HTR1E: variants seen among roughly 807,000 people sequenced by gnomAD.
The protein encoded by HTR1E is 5-hydroxytryptamine receptor 1E, also known as 5-HT-1E.
HTR1E carries 3 observed loss-of-function variants against 3.4 expected under a neutral mutation model. The observed-to-expected ratio is 0.89, with a 90% CI of 0.41 to 2.31. HTR1E has a LOEUF of 2.31. HTR1E is among the 30% of genes most tolerant of loss of function. The probability of loss-of-function intolerance (pLI) is 0.05; values close to 1 mark genes in which losing one functional copy is unlikely to be tolerated. For synonymous variants in HTR1E, 170 were observed against 182.8 expected (o/e 0.93, Z 0.56); for missense variants, 392 against 467.0 (o/e 0.84, Z 1.48).
chr6:86,957,220 G>T (rs1767338909), intron 1 of HTR1E, among the ~76,000 whole-genome samples: 1 of 152,198 alleles, frequency 6.6e-6, no homozygotes, highest in Non-Finnish European at 1.5e-5. Flanking sequence ...GCTGGCATTT[G>T]TGAGACTTTT....
At chr6:86,990,093 C>T (rs1767851938) in intron 1 of HTR1E, among the ~76,000 whole-genome samples, 1 of 152,172 alleles carries the variant, frequency 6.6e-6, no homozygotes, top group Admixed American at 6.6e-5. Flanking sequence ...GCCACAAAAG[C>T]ATGTTGCACT....
chr6:86,977,618 T>C lies in HTR1E; in HGVS notation c.-185-37532T>C, dbSNP rs190783093. Among the ~76,000 whole-genome samples the C allele has an allele frequency of 5.9e-5, 9 of 152,338 alleles. No homozygotes were observed. The East Asian group carries it at 1.7e-3, about 29-fold the overall frequency. On this transcript the variant is annotated intron_variant, in intron 1 of 1. Transcript: ENST00000305344. ...GAAATCTCCAAACTGCCTTCCACAG[T>C]GGCTGAACTAATTTACATTCCCACC...
intron 1 of HTR1E, among the ~76,000 whole-genome samples, chr6:86,991,384 TG>T (rs1767868449): frequency 6.6e-6 from 1 of 152,144 alleles, no homozygotes; most frequent in Admixed American, 6.6e-5. Flanking sequence ...AAGTTAACAA[TG>T]GGTAAAACTG....
intron 1 of HTR1E, among the ~76,000 whole-genome samples, chr6:86,954,261 G>T (rs927627373): frequency 6.6e-6 from 1 of 152,142 alleles, no homozygotes; most frequent in Admixed American, 6.5e-5. Context: ...CAGGCTGTCT[G>T]TCTGCCTCTC....
intron 1 of HTR1E, among the ~76,000 whole-genome samples, chr6:87,006,346 A>G (rs538887189): frequency 1.3e-5 from 2 of 152,354 alleles, no homozygotes; most frequent in South Asian, 2.1e-4. Flanking sequence ...CAACAAATGA[A>G]TTGATAAGGA....
intron 1 of HTR1E, among the ~76,000 whole-genome samples, chr6:87,008,971 CT>C (rs1360899724): frequency 1.3e-5 from 2 of 152,108 alleles, no homozygotes; most frequent in African/African-American, 4.8e-5. Flanking sequence ...ATATATACCC[CT>C]GATAATGATA....
chr6:87,000,229 C>G (rs545226001), intron 1 of HTR1E: 11 of 152,734 alleles, frequency 7.2e-5, no homozygotes, highest in African/African-American at 2.6e-4. Context: ...ACATCTCCAA[C>G]CAACTTGAGT....
chr6:87,010,485 A>T (rs1768206404), intron 1 of HTR1E, among the ~76,000 whole-genome samples: 1 of 148,556 alleles, frequency 6.7e-6, no homozygotes, highest in South Asian at 2.2e-4. Flanking sequence ...TCGGCCGGGC[A>T]GAGGCGCTCC....
intron 1 of HTR1E, among the ~76,000 whole-genome samples, chr6:86,973,739 G>T (rs1271521485): frequency 6.6e-6 from 1 of 152,140 alleles, no homozygotes; most frequent in Non-Finnish European, 1.5e-5. Flanking sequence ...CTGCAAACAT[G>T]CAATAATGTT....
At chr6:86,996,074 G>C (rs1156583574) in intron 1 of HTR1E, among the ~76,000 whole-genome samples, 1 of 152,024 alleles carries the variant, frequency 6.6e-6, no homozygotes, top group Non-Finnish European at 1.5e-5. Flanking sequence ...CAAAATGACA[G>C]AAAATCAAAA....
chr6:86,979,439 G>T (rs1219946257), intron 1 of HTR1E, among the ~76,000 whole-genome samples: 1 of 152,152 alleles, frequency 6.6e-6, no homozygotes, highest in Non-Finnish European at 1.5e-5. Flanking sequence ...AGAAATTACC[G>T]TGAAAGAGGA....
chr6:86,980,162 CG>C (rs930397156), intron 1 of HTR1E, among the ~76,000 whole-genome samples: 8 of 151,890 alleles, frequency 5.3e-5, no homozygotes, highest in African/African-American at 1.5e-4. Flanking sequence ...CCGAGGCGGG[CG>C]GATCATGAGG....
chr6:86,996,633 C>T (rs1767943042), intron 1 of HTR1E, among the ~76,000 whole-genome samples: 4 of 151,946 alleles, frequency 2.6e-5, no homozygotes, highest in Admixed American at 1.3e-4. Flanking sequence ...CAATTCTGTA[C>T]ATGTAAATAT....
chr6:86,954,948 TG>T (rs1767300380), intron 1 of HTR1E, among the ~76,000 whole-genome samples: 1 of 152,188 alleles, frequency 6.6e-6, no homozygotes. Flanking sequence ...CATCTCAAGA[TG>T]TATCTGGGAA....
chr6:86,963,292 A>G (rs2127820735), intron 1 of HTR1E, among the ~76,000 whole-genome samples: 1 of 152,360 alleles, frequency 6.6e-6, no homozygotes, highest in South Asian at 2.1e-4. Flanking sequence ...CAGCTGTACA[A>G]TGTACACCAC....
chr6:87,002,395 G>A (rs1768036875), intron 1 of HTR1E, among the ~76,000 whole-genome samples: 1 of 152,250 alleles, frequency 6.6e-6, no homozygotes, highest in Admixed American at 6.5e-5. Flanking sequence ...AGAACAAAGT[G>A]TCCACAGTAT....
intron 1 of HTR1E, among the ~76,000 whole-genome samples, chr6:86,960,473 A>G (rs1767389541): frequency 6.6e-6 from 1 of 152,114 alleles, no homozygotes; most frequent in African/African-American, 2.4e-5. Context: ...AAGTTTGAAA[A>G]GCTTATATTT....
At chr6:86,939,052 T>G (rs1256533711) in intron 1 of HTR1E, among the ~76,000 whole-genome samples, 2 of 152,220 alleles carry the variant, frequency 1.3e-5, no homozygotes, top group African/African-American at 4.8e-5. Context: ...GTGAAATACC[T>G]TTGAAATACA....
intron 1 of HTR1E, among the ~76,000 whole-genome samples, chr6:86,939,261 C>T (rs1220797647): frequency 2.6e-5 from 4 of 152,234 alleles, no homozygotes; most frequent in African/African-American, 4.8e-5. Flanking sequence ...ATGAAGCCCA[C>T]CTCCTAAGTG....
Sources: allele counts gnomAD v4.1 joint callset (sites outside exome capture counted in the v4.1 genomes callset), GRCh38; gene constraint gnomAD v4.1.1; transcripts MANE v1.5; gene names NCBI Gene and HGNC (gene_info 2026-07-23, HGNC 2026-07-21).